The following FHIT variants were observed in gnomAD, a reference collection of about 807,000 sequenced individuals.
FHIT encodes bis(5'-adenosyl)-triphosphatase.
FHIT carries 19 observed loss-of-function variants against 17.9 expected under a neutral mutation model. The observed-to-expected ratio is 1.06, with a 90% CI of 0.74 to 1.56. FHIT has a LOEUF of 1.56. Ranked by LOEUF, FHIT falls within the 40% of genes most tolerant of loss-of-function variation. The pLI is 0.00. For missense variants in FHIT, 248 were observed against 189.2 expected, an observed-to-expected ratio of 1.31 and a Z score of -1.82; for synonymous variants, 81 against 69.7, an observed-to-expected ratio of 1.16 and a Z score of -0.81.
At chr3:59,857,868 C>A (rs1002122278) in intron 8 of FHIT, among the ~76,000 whole-genome samples, 1 of 151,940 alleles carries the variant, frequency 6.6e-6, no homozygotes, top group Non-Finnish European at 1.5e-5. Flanking sequence ...TAGAGAGAAA[C>A]CAGGTGGTGA....
At chr3:60,023,504 GT>G (rs1387317345) in intron 5 of FHIT, among the ~76,000 whole-genome samples, 2 of 152,276 alleles carry the variant, frequency 1.3e-5, no homozygotes, top group East Asian at 3.9e-4. Flanking sequence ...CCAAATTTAG[GT>G]TTGCTTATGT....
intron 4 of FHIT, among the ~76,000 whole-genome samples, chr3:60,680,484 C>A (rs2040720883): frequency 6.6e-6 from 1 of 151,528 alleles, no homozygotes; most frequent in South Asian, 2.1e-4. Context: ...ACAGGCATAA[C>A]CTGAATGATG....
chr3:60,462,769 C>G (rs1025590364), intron 5 of FHIT, among the ~76,000 whole-genome samples: 15 of 152,104 alleles, frequency 9.9e-5, no homozygotes, highest in African/African-American at 3.6e-4. Flanking sequence ...CGGGCTAAGA[C>G]AGCTGGGGAG....
intron 4 of FHIT, among the ~76,000 whole-genome samples, chr3:60,620,503 T>C (rs2039090723): frequency 6.6e-6 from 1 of 151,922 alleles, no homozygotes; most frequent in African/African-American, 2.4e-5. Context: ...GACATGGAGT[T>C]ACTTTACAGG....
intron 4 of FHIT, among the ~76,000 whole-genome samples, chr3:60,571,353 A>T (rs2107663201): frequency 6.7e-6 from 1 of 149,958 alleles, no homozygotes; most frequent in South Asian, 2.1e-4. Context: ...AAAAAAAAAA[A>T]AAAAAAAAAA....
chr3:60,954,756 T>C (rs116128817), intron 3 of FHIT, among the ~76,000 whole-genome samples: 387 of 152,284 alleles, frequency 2.5e-3, no homozygotes, highest in African/African-American at 7.4e-3. Flanking sequence ...AAGATGATCA[T>C]AGAAGGGGAG....
chr3:60,786,071 G>A (rs565374564), intron 4 of FHIT, among the ~76,000 whole-genome samples: 5 of 152,232 alleles, frequency 3.3e-5, no homozygotes, highest in African/African-American at 1.2e-4. Flanking sequence ...AATTAGTATT[G>A]AAATCAGAAT....
chr3:60,301,722 ATT>A (rs1174008962), intron 5 of FHIT, among the ~76,000 whole-genome samples: 1 of 152,182 alleles, frequency 6.6e-6, no homozygotes, highest in African/African-American at 2.4e-5. Flanking sequence ...TAGGATAAAC[ATT>A]GAAAATTTTA....
intron 7 of FHIT, among the ~76,000 whole-genome samples, chr3:59,974,583 A>T (rs1293169961): frequency 1.3e-5 from 2 of 152,124 alleles, no homozygotes; most frequent in African/African-American, 4.8e-5. Flanking sequence ...AGTGGCAGTG[A>T]CACAATCAGC....
At chr3:61,235,448 C>T (rs1484739316) in intron 1 of FHIT, among the ~76,000 whole-genome samples, 1 of 152,108 alleles carries the variant, frequency 6.6e-6, no homozygotes, top group Non-Finnish European at 1.5e-5. Context: ...AGTAAGGTCT[C>T]TTTTAACTTG....
rs543371968 is a variant in FHIT at position 59,993,104 on chromosome 3, C to T, written c.279+18267G>A. Among the ~76,000 whole-genome samples, 9 of 152,178 alleles carry T rather than the reference C, an allele frequency of 5.9e-5. No individual in the cohort carries two copies. The South Asian group carries it at 1.9e-3, about 32-fold the overall frequency. On this transcript the variant is annotated intron_variant, in intron 7 of 9. Transcript: ENST00000492590. ...TCCCTTTTCTCTTCTGGTAGAACAA[C>T]TTCAATAGGTAAGAAAGTTTTCTTA...
At chr3:60,824,030 G>C (rs910772373) in intron 3 of FHIT, among the ~76,000 whole-genome samples, 3 of 152,200 alleles carry the variant, frequency 2.0e-5, no homozygotes. Context: ...GAGGGTGCTA[G>C]ACCTTATGGG....
At chr3:59,962,647 C>T (rs1191640701) in intron 7 of FHIT, among the ~76,000 whole-genome samples, 1 of 152,128 alleles carries the variant, frequency 6.6e-6, no homozygotes, top group African/African-American at 2.4e-5. Context: ...TCTTCCTTTC[C>T]ATTGTTAAGG....
rs996595840 is a variant in FHIT at position 60,690,301 on chromosome 3, T to A, written c.-18+131618A>T. The A allele has an allele frequency of 7.2e-6, 4 of 559,424 alleles. No individual in the cohort carries two copies. In the African/African-American group the frequency reaches 7.6e-5, roughly 11 times the overall value. The allele number at this position is 559,424 out of a possible 1,614,324, so 34.7% of individuals were successfully genotyped here. On this transcript the variant is annotated intron_variant, in intron 4 of 9. Coordinates refer to ENST00000492590, the MANE Select transcript of FHIT (RefSeq NM_002012.4). ...CCTGAACACAAAGCGCTCCATGGCCTCCACAATATCCATGCCTTCTTTCAC... is the reference window on the plus strand; with the variant it reads ...CCTGAACACAAAGCGCTCCATGGCCACCACAATATCCATGCCTTCTTTCAC...
intron 8 of FHIT, among the ~76,000 whole-genome samples, chr3:59,880,962 G>A (rs1444402751): frequency 6.6e-6 from 1 of 152,034 alleles, no homozygotes; most frequent in African/African-American, 2.4e-5. Context: ...TCCAATTTGA[G>A]GGCACTTGGA....
Position 59,960,251 on chromosome 3 carries a change from G to C in FHIT, c.280-37837C>G, listed in dbSNP as rs568836289. Among the ~76,000 whole-genome samples the C allele has an allele frequency of 3.7e-4, 57 of 152,308 alleles. 1 individual carries two copies. In the South Asian group the frequency reaches 0.011, roughly 30 times the overall value. ...GTAACAGGTCACTTAGTTCAGATCA[G>C]AGACACTTGGTAGCTTTGATTAGGT... On this transcript the variant is annotated intron_variant, in intron 7 of 9. Transcript: ENST00000492590.
intron 5 of FHIT, among the ~76,000 whole-genome samples, chr3:60,253,778 C>T (rs1705844186): frequency 6.6e-6 from 1 of 152,162 alleles, no homozygotes; most frequent in South Asian, 2.1e-4. Flanking sequence ...AGGAGCAGCA[C>T]TGGAAAAACT....
chr3:60,569,755 A>ATATATATATATATATATATATATT, intron 4 of FHIT, among the ~76,000 whole-genome samples: 1 of 77,344 alleles, frequency 1.3e-5, no homozygotes, highest in African/African-American at 4.8e-5. Flanking sequence ...ATATATATAT[A>ATATATATATATATATATATATATT]TTTTTTTTTT....
intron 5 of FHIT, among the ~76,000 whole-genome samples, chr3:60,424,582 C>T (rs1702594300): frequency 6.6e-6 from 1 of 152,070 alleles, no homozygotes; most frequent in Non-Finnish European, 1.5e-5. Context: ...CTCACACATG[C>T]ATTGTGCATT....
Sources: gnomAD v4.1 joint callset for allele counts (sites outside exome capture counted in the v4.1 genomes callset) on GRCh38, gnomAD v4.1.1 for gene constraint, MANE v1.5 for transcripts, NCBI Gene and HGNC (gene_info 2026-07-23, HGNC 2026-07-21) for gene names.